Variants in ADGRG7 observed in about 807,000 individuals in gnomAD.
The protein encoded by ADGRG7 is adhesion G protein-coupled receptor G7, also known as G-protein coupled receptor 128.
A neutral mutation model predicts 88.6 loss-of-function variants in ADGRG7; 82 were observed. That is an observed-to-expected ratio of 0.93 (90% CI 0.77 to 1.11). The LOEUF (loss-of-function observed/expected upper bound fraction) is 1.11. Among genes scored for constraint, ADGRG7 ranks in the 50% most tolerant of loss-of-function variants. ADGRG7 has a pLI of 0.00. For synonymous variants in ADGRG7, 381 were observed against 345.2 expected (o/e 1.10, Z -1.15); for missense variants, 945 against 953.4 (o/e 0.99, Z 0.12).
chr3:100,644,242 CA>C (rs917734370), intron 8 of ADGRG7, among the ~76,000 whole-genome samples: 2 of 151,120 alleles, frequency 1.3e-5, no homozygotes, highest in African/African-American at 2.4e-5. Flanking sequence ...TCTCCCCAAG[CA>C]AAAAAACCCG....
At chr3:100,611,431 T>A (rs552822037) in intron 1 of ADGRG7, among the ~76,000 whole-genome samples, 3 of 151,940 alleles carry the variant, frequency 2.0e-5, no homozygotes, top group Non-Finnish European at 4.4e-5. Flanking sequence ...AGCAAAACCA[T>A]TAAAAACAAG....
intron 6 of ADGRG7, among the ~76,000 whole-genome samples, chr3:100,640,841 T>G (rs1208071333): frequency 6.6e-6 from 1 of 152,134 alleles, no homozygotes; most frequent in Non-Finnish European, 1.5e-5. Context: ...ATTGTAGACA[T>G]TGCTTGCATA....
intron 1 of ADGRG7, among the ~76,000 whole-genome samples, chr3:100,620,243 G>C (rs538972577): frequency 8.5e-5 from 13 of 152,206 alleles, no homozygotes; most frequent in East Asian, 5.8e-4. Flanking sequence ...GGGATGCAAG[G>C]CTGGTTCAAC....
chr3:100,637,426 A>G lies in ADGRG7; in HGVS notation c.698+24A>G, dbSNP rs746706703. 8 of 1,539,380 alleles carry G rather than the reference A, an allele frequency of 5.2e-6. No individual in the cohort carries two copies. The South Asian group carries it at 6.7e-5, about 13-fold the overall frequency. ...ACGTAAGCACAAATTCAATTTGGAA[A>G]GAAAACTTGACTAAGGGCTGTTTAC... is the stretch of plus-strand genomic sequence containing the variant. On this transcript the variant is annotated intron_variant, in intron 6 of 15. Coordinates refer to ENST00000273352, the MANE Select transcript of ADGRG7 (RefSeq NM_032787.3).
In ADGRG7 at chr3:100,674,459, T is replaced by C. The variant is rs115676199; in HGVS notation, c.2136+5354T>C. Among the ~76,000 whole-genome samples the C allele has an allele frequency of 7.0e-3, 1,072 of 152,310 alleles. 16 individuals are homozygous for C. Among genetic ancestry groups the C allele is most frequent in the African/African-American group, 0.024 (1,016 of 41,562 alleles). Reference sequence around the variant, plus strand: ...TTTCCATTTTTTGTGTCCTCTTCAATTGGTTGCATGCAGGTTTTATAGTTT... The same window carrying C: ...TTTCCATTTTTTGTGTCCTCTTCAACTGGTTGCATGCAGGTTTTATAGTTT... On this transcript the variant is annotated intron_variant, in intron 15 of 15. Transcript: ENST00000273352.
At chr3:100,674,543 T>A (rs1485939585) in intron 15 of ADGRG7, among the ~76,000 whole-genome samples, 2 of 152,024 alleles carry the variant, frequency 1.3e-5, no homozygotes, top group East Asian at 3.8e-4. Context: ...TGCATTTTAT[T>A]TGTAGCTTTT....
rs1339722942 is a variant in ADGRG7, at chr3:100,659,711, C to T, written c.1847C>T (p.Pro616Leu). Residue 616 changes from proline to leucine, a missense_variant, in exon 14 of 16, where the codon CCC becomes CTC. Coordinates refer to ENST00000273352, the MANE Select transcript of ADGRG7 (RefSeq NM_032787.3). ...AGCTGCTGGCTGGCAATTCCAGAACCCAATGGTGTTATAAAAAGTCCGCTG... is the reference window on the plus strand; with the variant it reads ...AGCTGCTGGCTGGCAATTCCAGAACTCAATGGTGTTATAAAAAGTCCGCTG... ...EKICWLAIPE[P>L]NGVIKSPLLW... is the part of the protein sequence containing the mutation. The T allele has an allele frequency of 1.2e-6, 2 of 1,613,724 alleles. No homozygotes were observed. Among genetic ancestry groups the T allele is most frequent in the African/African-American group, 2.7e-5 (2 of 74,870 alleles).
intron 1 of ADGRG7, among the ~76,000 whole-genome samples, chr3:100,626,479 A>T (rs1707382107): frequency 1.3e-5 from 2 of 152,094 alleles, no homozygotes; most frequent in African/African-American, 4.8e-5. Flanking sequence ...CCATTTATTT[A>T]GATCTTTTAA....
intron 13 of ADGRG7, among the ~76,000 whole-genome samples, chr3:100,657,211 A>G (rs1390860774): frequency 6.6e-6 from 1 of 152,188 alleles, no homozygotes; most frequent in Admixed American, 6.5e-5. Context: ...TGACATAAGC[A>G]TCTGCCTCCT....
intron 14 of ADGRG7, among the ~76,000 whole-genome samples, chr3:100,662,296 G>A (rs1286789440): frequency 1.3e-5 from 2 of 152,144 alleles, no homozygotes; most frequent in Non-Finnish European, 2.9e-5. Context: ...GGAGGGAAAA[G>A]TGCTGACACA....
intron 3 of ADGRG7, among the ~76,000 whole-genome samples, chr3:100,632,144 C>T (rs1412685713): frequency 4.6e-5 from 7 of 152,100 alleles, no homozygotes; most frequent in African/African-American, 1.7e-4. Context: ...AACTGTGCTA[C>T]TGAATTAGGA....
chr3:100,619,474 A>C (rs1707276789), intron 1 of ADGRG7, among the ~76,000 whole-genome samples: 2 of 152,288 alleles, frequency 1.3e-5, no homozygotes, highest in South Asian at 4.1e-4. Context: ...TAAAATTGAC[A>C]CCCTAACATC....
chr3:100,685,315 G>T (rs1040963492), intron 15 of ADGRG7, among the ~76,000 whole-genome samples: 2 of 152,046 alleles, frequency 1.3e-5, no homozygotes, highest in African/African-American at 4.8e-5. Flanking sequence ...ATTTTATGTT[G>T]TGAAAATAAA....
At chr3:100,624,129 G>A (rs1243475831) in intron 1 of ADGRG7, among the ~76,000 whole-genome samples, 1 of 152,108 alleles carries the variant, frequency 6.6e-6, no homozygotes, top group Non-Finnish European at 1.5e-5. Context: ...CTTCCAGAAT[G>A]GTTGAACTAA....
rs180908790 is a variant in ADGRG7 at position 100,619,355 on chromosome 3, C to T, written c.115+9384C>T. Among the ~76,000 whole-genome samples, 475 of 152,236 alleles carry T rather than the reference C, an allele frequency of 3.1e-3. 2 individuals are homozygous for T. Among genetic ancestry groups the T allele is most frequent in the South Asian group, 4.8e-3 (23 of 4,826 alleles). Reference sequence around the variant, plus strand: ...GCAGAAATAAAGATGTTCTTTGAAACCAACAAGAACAAAGACACAACACAC... The same window carrying T: ...GCAGAAATAAAGATGTTCTTTGAAATCAACAAGAACAAAGACACAACACAC... On this transcript the variant is annotated intron_variant, in intron 1 of 15. Transcript: ENST00000273352.
Position 100,660,109 on chromosome 3 carries a change from C to T in ADGRG7, c.1979+266C>T, listed in dbSNP as rs7628965. 8.6e-3 allele frequency among the ~76,000 whole-genome samples: 1,310 copies of T among 152,204 alleles called. 14 individuals are homozygous for T. Among genetic ancestry groups the T allele is most frequent in the African/African-American group, 0.019 (781 of 41,530 alleles). ...GGATCAACTAAAAACTAAACCTAGA[C>T]TTCAAGAAAAAAAATTTTCGTCCCT... is the stretch of plus-strand genomic sequence containing the variant. On this transcript the variant is annotated intron_variant, in intron 14 of 15. Coordinates refer to ENST00000273352, the MANE Select transcript of ADGRG7 (RefSeq NM_032787.3).
In ADGRG7 at chr3:100,662,583, C is replaced by T. The variant is rs72915270; in HGVS notation, c.1979+2740C>T. Among the ~76,000 whole-genome samples the T allele has an allele frequency of 4.9e-3, 752 of 152,204 alleles. 7 individuals carry two copies. Among genetic ancestry groups the T allele is most frequent in the African/African-American group, 0.017 (718 of 41,546 alleles). On this transcript the variant is annotated intron_variant, in intron 14 of 15. Transcript: ENST00000273352. Reference sequence around the variant, plus strand: ...TTTTCTTCATATGTGTTTTTGTTGTCATGGAAACCACACTAAATAATACTG... The same window carrying T: ...TTTTCTTCATATGTGTTTTTGTTGTTATGGAAACCACACTAAATAATACTG...
At chr3:100,690,158 G>C (rs1440021309) in intron 15 of ADGRG7, among the ~76,000 whole-genome samples, 1 of 152,088 alleles carries the variant, frequency 6.6e-6, no homozygotes, top group East Asian at 1.9e-4. Context: ...TCTTCCAGTT[G>C]ATCGCATCAG....
chr3:100,616,394 T>C (rs538765482), intron 1 of ADGRG7, among the ~76,000 whole-genome samples: 2 of 150,612 alleles, frequency 1.3e-5, no homozygotes, highest in South Asian at 4.2e-4. Flanking sequence ...AGGAGAAAAA[T>C]AAAAAAAGAA....
Sources: allele counts gnomAD v4.1 joint callset (sites outside exome capture counted in the v4.1 genomes callset), GRCh38; gene constraint gnomAD v4.1.1; transcripts MANE v1.5; gene names NCBI Gene and HGNC (gene_info 2026-07-23, HGNC 2026-07-21).